Variants in RIPOR3 observed in about 807,000 individuals in gnomAD.
RIPOR3 encodes RIPOR family member 3.
RIPOR3 carries 95 observed loss-of-function variants against 114.3 expected under a neutral mutation model. The observed-to-expected ratio is 0.83, with a 90% CI of 0.70 to 0.99. The LOEUF is 0.99. RIPOR3 is among the 50% of genes least tolerant of loss of function. The pLI, the probability that RIPOR3 is intolerant of heterozygous loss-of-function variation, is 0.00. For synonymous variants in RIPOR3, 575 were observed against 543.8 expected (o/e 1.06, Z -0.80); for missense variants, 1,252 against 1,266.9 (o/e 0.99, Z 0.18).
intron 1 of RIPOR3, among the ~76,000 whole-genome samples, chr20:50,664,663 A>C (rs1310172736): frequency 3.3e-5 from 5 of 152,174 alleles, no homozygotes; most frequent in Non-Finnish European, 5.9e-5. Context: ...AGGAATTGCA[A>C]AGAGTTTCAG....
At chr20:50,678,841 T>C (rs912916387) in intron 1 of RIPOR3, among the ~76,000 whole-genome samples, 3 of 151,918 alleles carry the variant, frequency 2.0e-5, no homozygotes, top group Admixed American at 2.0e-4. Flanking sequence ...CTGTTTAAAA[T>C]GCCTGTAATC....
At position 50,666,983 on chromosome 20, in the gene RIPOR3, G is replaced by A. The variant is rs865998999; in HGVS notation, c.3+24143C>T. On this transcript the variant is annotated intron_variant, in intron 1 of 21. Transcript: ENST00000327979. ...CTTTGGGTGAGTGGAGTAAAAAAGC[G>A]GGCGAGGTATCTGGAATATGCTTCT... 2.6e-5 allele frequency among the ~76,000 whole-genome samples: 4 copies of A among 152,246 alleles called. No homozygotes were observed. The Middle Eastern group carries it at 0.01, about 388-fold the overall frequency.
chr20:50,650,612 T>C (rs2123395272), intron 1 of RIPOR3, among the ~76,000 whole-genome samples: 1 of 152,268 alleles, frequency 6.6e-6, no homozygotes, highest in East Asian at 1.9e-4. Context: ...CCTCAACATA[T>C]GAATTTTAGA....
Position 50,586,581 on chromosome 20 carries a change from G to C in RIPOR3, c.*651C>G, listed in dbSNP as rs1245458473. On this transcript the variant is annotated 3_prime_UTR_variant, in exon 22 of 22. Coordinates refer to ENST00000327979, the MANE Select transcript of RIPOR3 (RefSeq NM_001290268.2). ...TCTTCCCTTTGTGCTGCTGAACATA[G>C]GGAAAGTGAGGTTCACAGTCCACCA... is the stretch of plus-strand genomic sequence containing the variant. 1 of 153,014 alleles carries C rather than the reference G, an allele frequency of 6.5e-6. No homozygotes were observed. Among genetic ancestry groups the C allele is most frequent in the African/African-American group, 2.4e-5 (1 of 41,440 alleles). The allele number at this position is 153,014 out of a possible 1,614,324, so 9.5% of individuals were successfully genotyped here. A position where few individuals can be genotyped will look rare whatever the true frequency, so the allele number is the denominator to read the frequency against.
chr20:50,660,491 G>A (rs1198583240), intron 1 of RIPOR3, among the ~76,000 whole-genome samples: 2 of 152,048 alleles, frequency 1.3e-5, no homozygotes, highest in Non-Finnish European at 2.9e-5. Flanking sequence ...TCAGTCTCAC[G>A]AGAGTGACAG....
At chr20:50,682,996 G>A (rs1401013014) in intron 1 of RIPOR3, among the ~76,000 whole-genome samples, 6 of 152,124 alleles carry the variant, frequency 3.9e-5, no homozygotes. Context: ...CAAAGTACTG[G>A]GATTACAGGC....
At chr20:50,628,574 G>C (rs1424741831) in intron 2 of RIPOR3, among the ~76,000 whole-genome samples, 1 of 151,850 alleles carries the variant, frequency 6.6e-6, no homozygotes, top group Non-Finnish European at 1.5e-5. Context: ...CCCCTGTCTC[G>C]TCAGGCTCTC....
intron 1 of RIPOR3, among the ~76,000 whole-genome samples, chr20:50,643,034 C>T (rs556300713): frequency 6.6e-6 from 1 of 151,360 alleles, no homozygotes; most frequent in Non-Finnish European, 1.5e-5. Flanking sequence ...GGCAACAAGA[C>T]CGAAACTCCA....
intron 14 of RIPOR3, 34 bp from the exon 15 acceptor site, chr20:50,596,297 G>T: frequency 6.2e-7 from 1 of 1,613,668 alleles, no homozygotes; most frequent in African/African-American, 1.3e-5. Flanking sequence ...GACCATTCCA[G>T]TTAGCAGTTC....
At chr20:50,678,136 G>T (rs1422780615) in intron 1 of RIPOR3, among the ~76,000 whole-genome samples, 1 of 152,124 alleles carries the variant, frequency 6.6e-6, no homozygotes, top group Non-Finnish European at 1.5e-5. Flanking sequence ...AGCCACCATG[G>T]GTGCTAAACC....
chr20:50,621,924 T>C (rs1600601036), intron 2 of RIPOR3, among the ~76,000 whole-genome samples: 1 of 152,270 alleles, frequency 6.6e-6, no homozygotes, highest in Non-Finnish European at 1.5e-5. Flanking sequence ...AGACTGATTA[T>C]AGGAGTACGA....
intron 1 of RIPOR3, among the ~76,000 whole-genome samples, chr20:50,676,770 T>C (rs1044437634): frequency 3.1e-5 from 4 of 130,536 alleles, no homozygotes; most frequent in East Asian, 2.2e-4. Flanking sequence ...CAGATTCTAC[T>C]TTTTTTTTTT....
chr20:50,662,583 C>T (rs2086034089), intron 1 of RIPOR3, among the ~76,000 whole-genome samples: 1 of 152,180 alleles, frequency 6.6e-6, no homozygotes, highest in Admixed American at 6.5e-5. Flanking sequence ...TGCCTGGATG[C>T]CTCTGCCCAC....
intron 4 of RIPOR3, among the ~76,000 whole-genome samples, chr20:50,612,712 G>A (rs980812131): frequency 2.6e-5 from 4 of 151,918 alleles, no homozygotes; most frequent in South Asian, 2.1e-4. Flanking sequence ...AGAGGAGGGC[G>A]TCAATCGAGA....
In RIPOR3 at chr20:50,604,762, A is replaced by G. The variant is rs2083642362; in HGVS notation, c.969T>C (p.Thr323=). 1.2e-6 allele frequency: 2 copies of G among 1,608,204 alleles called. No homozygotes were observed. The highest frequency in any genetic ancestry group is 1.7e-6 in the Non-Finnish European group (2 of 1,178,034). ...GGCTGGGTGACACCAGGAAGCTCTC[A>G]GTATCAAACGGGCTGGAGGAGAGAA... ...QLEVQWNPFD[T]ESFLVSPSPT... is the part of the protein sequence containing the mutation. Residue 323 remains threonine (T), a synonymous_variant, in exon 12 of 22, where the codon ACT becomes ACC. Coordinates refer to ENST00000327979, the MANE Select transcript of RIPOR3 (RefSeq NM_001290268.2).
intron 1 of RIPOR3, among the ~76,000 whole-genome samples, chr20:50,642,044 C>T (rs1056240551): frequency 3.4e-4 from 52 of 152,290 alleles, no homozygotes; most frequent in African/African-American, 1.2e-3. Context: ...CCGGCTCCTC[C>T]CCATCCCAGG....
intron 1 of RIPOR3, among the ~76,000 whole-genome samples, chr20:50,637,883 A>T (rs56986946): frequency 0.029 from 4,371 of 151,940 alleles, 171 homozygotes; most frequent in African/African-American, 0.088. Flanking sequence ...TCAAAAAAAA[A>T]TTTTTTTAAA....
chr20:50,651,316 G>A (rs1366895503), intron 1 of RIPOR3, among the ~76,000 whole-genome samples: 2 of 152,232 alleles, frequency 1.3e-5, no homozygotes, highest in African/African-American at 4.8e-5. Flanking sequence ...AGATCCTCCA[G>A]ACAAGAACTC....
intron 1 of RIPOR3, among the ~76,000 whole-genome samples, chr20:50,638,382 C>G (rs2085064770): frequency 6.6e-6 from 1 of 152,232 alleles, no homozygotes; most frequent in East Asian, 1.9e-4. Context: ...GGCCGCTTCC[C>G]TCTGTCTATC....
Sources: gnomAD v4.1 joint callset for allele counts (sites outside exome capture counted in the v4.1 genomes callset) on GRCh38, gnomAD v4.1.1 for gene constraint, MANE v1.5 for transcripts, NCBI Gene and HGNC (gene_info 2026-07-23, HGNC 2026-07-21) for gene names.